Variants in CDH12 observed in about 807,000 individuals in gnomAD.
CDH12 encodes the protein cadherin 12.
Under a neutral mutation model 74.1 loss-of-function variants are expected in CDH12, and 41 were observed. That is an observed-to-expected ratio of 0.55 (90% CI 0.43 to 0.72). CDH12 has a LOEUF of 0.72. Among genes scored for constraint, CDH12 ranks in the 30% least tolerant of loss-of-function variants. CDH12 has a pLI of 0.00. For missense variants in CDH12, 945 were observed against 977.2 expected (o/e 0.97, Z 0.44); for synonymous variants, 399 against 355.0 (o/e 1.12, Z -1.39).
chr5:22,728,653 A>C (rs2127000550), intron 1 of CDH12, among the ~76,000 whole-genome samples: 1 of 151,986 alleles, frequency 6.6e-6, no homozygotes, highest in Non-Finnish European at 1.5e-5. Flanking sequence ...AAAGATAAAT[A>C]TTTTGGGATG....
At chr5:21,913,629 A>C (rs1199453141) in intron 6 of CDH12, among the ~76,000 whole-genome samples, 2 of 152,096 alleles carry the variant, frequency 1.3e-5, no homozygotes, top group Non-Finnish European at 2.9e-5. Flanking sequence ...TACATATATT[A>C]ATCAGAAGAC....
rs116484232 is a variant in CDH12 at position 21,918,753 on chromosome 5, G to A, written c.526+56338C>T. 7.8e-3 allele frequency among the ~76,000 whole-genome samples: 1,180 copies of A among 152,176 alleles called. 17 individuals are homozygous for A. The highest frequency in any genetic ancestry group is 0.027 in the African/African-American group (1,119 of 41,524). On this transcript the variant is annotated intron_variant, in intron 6 of 14. Transcript: ENST00000382254. ...GATTATAATTCAAGTTGAGTTTTGG[G>A]CAGGAACACAGAATGATATCATTTG... is the stretch of plus-strand genomic sequence containing the variant.
intron 3 of CDH12, among the ~76,000 whole-genome samples, chr5:22,367,215 C>A (rs1288431647): frequency 2.0e-5 from 3 of 152,032 alleles, no homozygotes; most frequent in African/African-American, 7.2e-5. Context: ...CACTTTGCTC[C>A]AGATACCTAG....
At chr5:22,181,141 C>A (rs114182518) in intron 4 of CDH12, among the ~76,000 whole-genome samples, 10,289 of 152,194 alleles carry the variant, frequency 0.068, 456 homozygotes, top group South Asian at 0.15. Context: ...CTGTTCATTT[C>A]TTTCTCTCCC....
At chr5:22,799,291 C>T (rs1190973237) in intron 1 of CDH12, among the ~76,000 whole-genome samples, 1 of 151,824 alleles carries the variant, frequency 6.6e-6, no homozygotes, top group East Asian at 1.9e-4. Flanking sequence ...TAATATAAAG[C>T]GTATATATCA....
intron 1 of CDH12, among the ~76,000 whole-genome samples, chr5:22,659,482 C>A (rs1235194570): frequency 6.6e-6 from 1 of 152,010 alleles, no homozygotes; most frequent in African/African-American, 2.4e-5. Flanking sequence ...TATTTGCATA[C>A]ATTATATGAA....
intron 1 of CDH12, among the ~76,000 whole-genome samples, chr5:22,652,667 AC>A (rs1391915176): frequency 6.6e-6 from 1 of 152,184 alleles, no homozygotes; most frequent in Non-Finnish European, 1.5e-5. Flanking sequence ...TCAAATATAG[AC>A]TTTTACAAGT....
At chr5:21,949,374 C>T (rs974105610) in intron 6 of CDH12, among the ~76,000 whole-genome samples, 1 of 150,036 alleles carries the variant, frequency 6.7e-6, no homozygotes. Context: ...GGCGTGAACC[C>T]AGGAGGCGGA....
intron 3 of CDH12, among the ~76,000 whole-genome samples, chr5:22,336,495 G>A (rs1316280933): frequency 6.6e-6 from 1 of 152,214 alleles, no homozygotes; most frequent in East Asian, 1.9e-4. Context: ...CAGGCCCAGG[G>A]TCCTTGTGCT....
chr5:22,156,685 A>G (rs1331333641), intron 4 of CDH12, among the ~76,000 whole-genome samples: 3 of 152,138 alleles, frequency 2.0e-5, no homozygotes, highest in Admixed American at 1.3e-4. Context: ...TTTAAAAAGA[A>G]CACTCCAATG....
intron 6 of CDH12, among the ~76,000 whole-genome samples, chr5:21,934,273 A>G (rs1754974534): frequency 6.6e-6 from 1 of 152,164 alleles, no homozygotes; most frequent in Admixed American, 6.5e-5. Flanking sequence ...GTTCAGCACC[A>G]TCCCCCTTTG....
At chr5:21,862,774 T>C in intron 6 of CDH12, among the ~76,000 whole-genome samples, 1 of 152,150 alleles carries the variant, frequency 6.6e-6, no homozygotes, top group Non-Finnish European at 1.5e-5. Flanking sequence ...ATTGAATATA[T>C]GGCCTCTAGA....
intron 3 of CDH12, among the ~76,000 whole-genome samples, chr5:22,332,779 C>T (rs1408177625): frequency 6.6e-6 from 1 of 152,046 alleles, no homozygotes; most frequent in African/African-American, 2.4e-5. Context: ...CCATCTCATA[C>T]CACTCAGAAT....
chr5:22,454,986 A>G (rs1010465883), intron 2 of CDH12, among the ~76,000 whole-genome samples: 11 of 152,212 alleles, frequency 7.2e-5, no homozygotes, highest in African/African-American at 2.7e-4. Context: ...ATTAGAAGCC[A>G]TGTGAAGGAA....
intron 2 of CDH12, among the ~76,000 whole-genome samples, chr5:22,496,909 T>C (rs1302374393): frequency 6.6e-6 from 1 of 152,188 alleles, no homozygotes; most frequent in Non-Finnish European, 1.5e-5. Context: ...ACTTGTTGCA[T>C]TAGTAATCAA....
At chr5:22,085,163 T>A (rs992496421) in intron 4 of CDH12, among the ~76,000 whole-genome samples, 1 of 144,356 alleles carries the variant, frequency 6.9e-6, no homozygotes, top group Non-Finnish European at 1.5e-5. Context: ...AACATCCCTT[T>A]TAGCAGGAGG....
intron 6 of CDH12, among the ~76,000 whole-genome samples, chr5:21,882,123 C>T (rs1752383702): frequency 6.6e-6 from 1 of 152,264 alleles, no homozygotes; most frequent in African/African-American, 2.4e-5. Context: ...TCAGTAATAC[C>T]ATTTTAGCTT....
At chr5:22,402,060 A>G (rs975965811) in intron 3 of CDH12, among the ~76,000 whole-genome samples, 14 of 152,152 alleles carry the variant, frequency 9.2e-5, no homozygotes, top group African/African-American at 3.4e-4. Flanking sequence ...TAAATCACCC[A>G]ATGTGTGGCC....
At chr5:22,470,913 A>G (rs1745934288) in intron 2 of CDH12, among the ~76,000 whole-genome samples, 1 of 151,816 alleles carries the variant, frequency 6.6e-6, no homozygotes, top group Admixed American at 6.6e-5. Context: ...CCGTATCTGA[A>G]AAACTAAATT....
Sources: gnomAD v4.1 joint callset for allele counts (sites outside exome capture counted in the v4.1 genomes callset) on GRCh38, gnomAD v4.1.1 for gene constraint, MANE v1.5 for transcripts, NCBI Gene and HGNC (gene_info 2026-07-23, HGNC 2026-07-21) for gene names.